Variants in ACP3 observed in about 807,000 individuals in gnomAD.
The protein encoded by ACP3 is prostatic acid phosphatase.
Under a neutral mutation model 45.6 loss-of-function variants are expected in ACP3, and 38 were observed. The ratio of observed to expected loss-of-function variants is 0.83; its 90% CI spans 0.64 to 1.09. The LOEUF is 1.09. Among genes scored for constraint, ACP3 ranks in the 50% least tolerant of loss-of-function variants. The probability of loss-of-function intolerance (pLI) is 0.00; values close to 1 mark genes in which losing one functional copy is unlikely to be tolerated. For missense variants in ACP3, 466 were observed against 463.2 expected, an observed-to-expected ratio of 1.01 and a Z score of -0.05; for synonymous variants, 162 against 164.7, an observed-to-expected ratio of 0.98 and a Z score of 0.13.
At position 132,355,491 on chromosome 3, in the gene ACP3, T is replaced by TTTATTTTATTTTATC. The variant is rs1264225310; in HGVS notation, c.969-1181_969-1180insCTTATTTTATTTTAT. 2.6e-4 allele frequency among the ~76,000 whole-genome samples: 39 copies of TTTATTTTATTTTATC among 150,146 alleles called. 1 individual carries two copies. The highest frequency in any genetic ancestry group is 1.0e-4 in the Non-Finnish European group (7 of 67,370). On this transcript the variant is annotated intron_variant, in intron 9 of 9. Coordinates refer to ENST00000336375, the MANE Select transcript of ACP3 (RefSeq NM_001099.5). Reference sequence around the variant, plus strand: ...GACATCTTATTTTATTTTATCTTATTTTATTTTATTTTATTTTATTTTTAT... The same window carrying TTTATTTTATTTTATC: ...GACATCTTATTTTATTTTATCTTATTTTATTTTATTTTATCTTATTTTATTTTATTTTATTTTTAT...
intron 8 of ACP3, among the ~76,000 whole-genome samples, chr3:132,352,361 CTTTTT>C (rs35270483): frequency 7.4e-6 from 1 of 135,596 alleles, no homozygotes. Flanking sequence ...CCACACCCAG[CTTTTT>C]TTTTTTTTTT....
intron 1 of ACP3, among the ~76,000 whole-genome samples, chr3:132,324,033 C>T (rs369122043): frequency 4.4e-4 from 67 of 152,258 alleles, no homozygotes; most frequent in African/African-American, 1.5e-3. Flanking sequence ...GCCTGGCCAA[C>T]ATGGCGAAAC....
chr3:132,362,914 G>C (rs551827810), downstream of ACP3, among the ~76,000 whole-genome samples: 42 of 152,282 alleles, frequency 2.8e-4, no homozygotes, highest in African/African-American at 9.9e-4. Context: ...TTAGGCAGAG[G>C]ACAGATGCTG....
At chr3:132,328,180 A>T (rs893179405) in intron 1 of ACP3, 87 bp from the exon 2 acceptor site, 1 of 1,001,428 alleles carries the variant, frequency 1.0e-6, no homozygotes, top group African/African-American at 1.7e-5. Context: ...AAAACCAATG[A>T]GTTAGAAAAA....
intron 4 of ACP3, among the ~76,000 whole-genome samples, chr3:132,332,894 A>G (rs1453233348): frequency 1.3e-5 from 2 of 152,232 alleles, no homozygotes; most frequent in East Asian, 3.8e-4. Context: ...AGTGAGGGAA[A>G]TAAGTGCTTG....
intron 1 of ACP3, among the ~76,000 whole-genome samples, chr3:132,317,782 T>A: frequency 6.6e-6 from 1 of 152,208 alleles, no homozygotes; most frequent in East Asian, 1.9e-4. Flanking sequence ...TGGTCGCTGT[T>A]TTTTTAGGGG....
downstream of ACP3, among the ~76,000 whole-genome samples, chr3:132,363,085 AAAAT>A (rs55698331): frequency 0.086 from 13,043 of 151,910 alleles, 1,238 homozygotes; most frequent in East Asian, 0.51. Context: ...ATATCATTTA[AAAAT>A]AAATAAATAA....
At position 132,352,794 on chromosome 3, in the gene ACP3, C is replaced by A. The variant is rs780948901; in HGVS notation, c.939C>A (p.Cys313Ter). Residue 313 changes from cysteine (C) to a stop codon, truncating the protein, a stop_gained, in exon 9 of 10, where the codon TGC (cysteine) becomes TGA (stop). Coordinates refer to ENST00000336375, the MANE Select transcript of ACP3 (RefSeq NM_001099.5). LOFTEE classifies it low-confidence loss of function (END_TRUNC). ...GACTCCTTCCTCCCTATGCTTCTTG[C>A]CACTTGACGGAATTGTACTTTGAGA... ...YNGLLPPYAS[C>*]HLTELYFEKG... The A allele has an allele frequency of 3.1e-6, 5 of 1,612,882 alleles. No homozygotes were observed. Among genetic ancestry groups the A allele is most frequent in the South Asian group, 2.2e-5 (2 of 91,066 alleles).
At chr3:132,364,319 G>A (rs1186153769) in intron 10 of ACP3, among the ~76,000 whole-genome samples, 1 of 152,122 alleles carries the variant, frequency 6.6e-6, no homozygotes, top group East Asian at 1.9e-4. Context: ...CTGCACTCCA[G>A]CCTGAGCAAT....
At chr3:132,362,722 G>T (rs1938065278), downstream of ACP3, among the ~76,000 whole-genome samples, 1 of 152,212 alleles carries the variant, frequency 6.6e-6, no homozygotes, top group Admixed American at 6.5e-5. Flanking sequence ...GAATGAAGGT[G>T]AGGAGAGAGG....
chr3:132,324,457 T>C (rs1263617516), intron 1 of ACP3, among the ~76,000 whole-genome samples: 1 of 152,046 alleles, frequency 6.6e-6, no homozygotes, highest in African/African-American at 2.4e-5. Flanking sequence ...GGGCCAACTA[T>C]CATGAGAATT....
At chr3:132,352,686 G>A (rs1250775143) in intron 8 of ACP3, 34 bp from the exon 9 acceptor site, 1 of 1,475,790 alleles carries the variant, frequency 6.8e-7, no homozygotes, top group Non-Finnish European at 9.5e-7. Flanking sequence ...ATGTGAATCT[G>A]AACAGGCGAT....
intron 7 of ACP3, among the ~76,000 whole-genome samples, chr3:132,346,160 T>C (rs1937606588): frequency 6.6e-6 from 1 of 152,124 alleles, no homozygotes; most frequent in African/African-American, 2.4e-5. Flanking sequence ...TGGACCAGAC[T>C]GGGAGGTTGT....
At chr3:132,362,727 G>A (rs1938065494), downstream of ACP3, among the ~76,000 whole-genome samples, 1 of 152,234 alleles carries the variant, frequency 6.6e-6, no homozygotes, top group Non-Finnish European at 1.5e-5. Context: ...AAGGTGAGGA[G>A]AGAGGAGGAT....
intron 7 of ACP3, among the ~76,000 whole-genome samples, chr3:132,348,586 T>G (rs766838764): frequency 6.6e-6 from 1 of 152,170 alleles, no homozygotes; most frequent in Admixed American, 6.5e-5. Context: ...CTTGCTGATT[T>G]CAGGTGGCTG....
At chr3:132,362,645 C>T (rs1400237667), downstream of ACP3, among the ~76,000 whole-genome samples, 1 of 152,156 alleles carries the variant, frequency 6.6e-6, no homozygotes, top group African/African-American at 2.4e-5. Flanking sequence ...CCTAATGGGT[C>T]AGAGAAGGCT....
intron 10 of ACP3, among the ~76,000 whole-genome samples, chr3:132,366,973 T>C (rs1192500103): frequency 6.6e-6 from 1 of 152,112 alleles, no homozygotes; most frequent in Non-Finnish European, 1.5e-5. Flanking sequence ...GGATGTTTGC[T>C]CTCCTATTGC....
intron 1 of ACP3, among the ~76,000 whole-genome samples, chr3:132,324,858 GT>G (rs1179287449): frequency 6.6e-6 from 1 of 152,074 alleles, no homozygotes; most frequent in African/African-American, 2.4e-5. Flanking sequence ...GGCCAGGATA[GT>G]CTTGATCTCC....
intron 1 of ACP3, 53 bp downstream of exon 1, chr3:132,317,629 T>A: frequency 6.4e-7 from 1 of 1,570,376 alleles, no homozygotes; most frequent in Middle Eastern, 1.7e-4. Flanking sequence ...CCCAGCAAAG[T>A]CTGATAAGGC....
Sources: allele counts gnomAD v4.1 joint callset (sites outside exome capture counted in the v4.1 genomes callset), GRCh38; gene constraint gnomAD v4.1.1; transcripts MANE v1.5; gene names NCBI Gene and HGNC (gene_info 2026-07-23, HGNC 2026-07-21).